The following ZNF66 variants were observed in gnomAD, a reference collection of about 807,000 sequenced individuals.
ZNF66 encodes the protein zinc finger protein 66.
Under a neutral mutation model 35.2 loss-of-function variants are expected in ZNF66, and 32 were observed. That is an observed-to-expected ratio of 0.91 (90% confidence interval 0.69 to 1.22). ZNF66 has a LOEUF of 1.22. Ranked by LOEUF, ZNF66 falls within the 50% of genes most tolerant of loss-of-function variation. ZNF66 has a pLI of 0.00. For missense variants in ZNF66, 666 were observed against 543.1 expected, an observed-to-expected ratio of 1.23 and a Z score of -2.25; for synonymous variants, 231 against 181.3, an observed-to-expected ratio of 1.27 and a Z score of -2.20.
intron 1 of ZNF66, among the ~76,000 whole-genome samples, chr19:20,781,337 T>C (rs1971243325): frequency 6.6e-6 from 1 of 152,318 alleles, no homozygotes. Context: ...ACTTACGTAC[T>C]AAGCATAGCA....
rs1305181187 is a variant in ZNF66, at chr19:20,809,368, C to T, written c.*2046C>T. 1.3e-5 allele frequency among the ~76,000 whole-genome samples: 2 copies of T among 151,840 alleles called. No individual in the cohort carries two copies. The highest frequency in any genetic ancestry group is 4.8e-5 in the African/African-American group (2 of 41,326). On this transcript the variant is annotated 3_prime_UTR_variant, in exon 4 of 4. Coordinates refer to ENST00000344519, the MANE Select transcript of ZNF66 (RefSeq NM_001355197.2). ...CTCCTTGAGAAGAGCAACTCCAAGA[C>T]ACATAATTGTCAGATTCACCAAAGT...
rs549977441 is a variant in ZNF66, at chr19:20,808,365, C to G, written c.*1043C>G. Among the ~76,000 whole-genome samples the G allele has an allele frequency of 6.6e-6, 1 of 152,234 alleles. No individual in the cohort carries two copies. Among genetic ancestry groups the G allele is most frequent in the Admixed American group, 6.5e-5 (1 of 15,274 alleles). ...GAAGAGAGTAGTGGTTCTCCCAGCA[C>G]GCAGCTGGAGATCTGAGAACGGGCA... On this transcript the variant is annotated 3_prime_UTR_variant, in exon 4 of 4. Coordinates refer to ENST00000344519, the MANE Select transcript of ZNF66 (RefSeq NM_001355197.2).
intron 1 of ZNF66, among the ~76,000 whole-genome samples, chr19:20,789,015 C>CTT (rs1240359460): frequency 6.6e-6 from 1 of 151,708 alleles, no homozygotes; most frequent in Admixed American, 6.6e-5. Context: ...GGCACCACTG[C>CTT]ACTCCAGCCT....
chr19:20,809,128 T>A lies in ZNF66; in HGVS notation c.*1806T>A, dbSNP rs558938764. ...ATGAAATGAAGTGAGAAGGGAAGTT[T>A]AGAGAAAAAAAATTAAAAAGAAACA... On this transcript the variant is annotated 3_prime_UTR_variant, in exon 4 of 4. Coordinates refer to ENST00000344519, the MANE Select transcript of ZNF66 (RefSeq NM_001355197.2). Among the ~76,000 whole-genome samples, 5 of 150,792 alleles carry A rather than the reference T, an allele frequency of 3.3e-5. No homozygotes were observed. Among genetic ancestry groups the A allele is most frequent in the Non-Finnish European group, 7.4e-5 (5 of 67,606 alleles).
chr19:20,776,523 C>G, intron 1 of ZNF66, 73 bp downstream of exon 1: 1 of 1,464,768 alleles, frequency 6.8e-7, no homozygotes, highest in African/African-American at 1.4e-5. Context: ...CCTCAGTCAG[C>G]TCCACAATCT....
intron 1 of ZNF66, among the ~76,000 whole-genome samples, chr19:20,783,783 C>A (rs975032505): frequency 1.2e-4 from 19 of 152,204 alleles, no homozygotes; most frequent in African/African-American, 4.3e-4. Context: ...ACCTTGTTTT[C>A]TATTTATTAC....
chr19:20,809,398 A>G lies in ZNF66; in HGVS notation c.*2076A>G, dbSNP rs1016438136. Reference sequence around the variant, plus strand: ...AATTGTCAGATTCACCAAAGTTGAAATGAAGGAAAAAATGTTAAGGGCAGC... The same window carrying G: ...AATTGTCAGATTCACCAAAGTTGAAGTGAAGGAAAAAATGTTAAGGGCAGC... On this transcript the variant is annotated 3_prime_UTR_variant, in exon 4 of 4. Transcript: ENST00000344519. Among the ~76,000 whole-genome samples, 1 of 152,144 alleles carries G rather than the reference A, an allele frequency of 6.6e-6. No individual in the cohort carries two copies. Among genetic ancestry groups the G allele is most frequent in the African/African-American group, 2.4e-5 (1 of 41,434 alleles).
chr19:20,800,400 G>A (rs538245756), intron 3 of ZNF66, among the ~76,000 whole-genome samples: 26 of 152,280 alleles, frequency 1.7e-4, no homozygotes, highest in African/African-American at 4.6e-4. Context: ...TGATGGGAGA[G>A]TATTTTATGT....
intron 1 of ZNF66, among the ~76,000 whole-genome samples, chr19:20,780,209 C>T (rs968286186): frequency 6.6e-6 from 1 of 152,092 alleles, no homozygotes; most frequent in Non-Finnish European, 1.5e-5. Context: ...AAAGAGAGCA[C>T]TATCTTAGTC....
intron 1 of ZNF66, among the ~76,000 whole-genome samples, chr19:20,784,243 AT>A (rs1303833117): frequency 2.0e-5 from 3 of 152,338 alleles, no homozygotes; most frequent in Middle Eastern, 3.4e-3. Flanking sequence ...CTTTTGAAAT[AT>A]AAAGTGTTTT....
Position 20,807,276 on chromosome 19 carries a change from A to ATG in ZNF66, c.1677_1678insGT (p.Met560ValfsTer84), listed in dbSNP as rs2144923077. 1 of 678,276 alleles carries ATG rather than the reference A, an allele frequency of 1.5e-6. No homozygotes were observed. Among genetic ancestry groups the ATG allele is most frequent in the East Asian group, 2.5e-5 (1 of 39,452 alleles). 42.0% of individuals were successfully genotyped at this position (678,276 alleles called of 1,614,324 possible). ...AACCTTAGTAGACATGAGATAATTC[A>ATG]TATGGGAGGGAATCCCTACAAATGT... On this transcript the variant is annotated frameshift_variant, in exon 4 of 4. Transcript: ENST00000344519. LOFTEE classifies it high-confidence loss of function.
Position 20,806,211 on chromosome 19 carries a change from T to C in ZNF66, c.611T>C (p.Ile204Thr), listed in dbSNP as rs748752401. ...ACTGGAGAGAAACCCTATAAATGTATAGAATGTGGCAAAGCCTTCAACCGG... is the reference window on the plus strand; with the variant it reads ...ACTGGAGAGAAACCCTATAAATGTACAGAATGTGGCAAAGCCTTCAACCGG... ...IHTGEKPYKC[I>T]ECGKAFNRSS... The change falls in exon 4 of 4, where the codon ATA becomes ACA. Residue 204 changes from isoleucine to threonine, a missense_variant. Transcript: ENST00000344519. 3 of 1,370,622 alleles carry C rather than the reference T, an allele frequency of 2.2e-6. No individual in the cohort carries two copies. Among genetic ancestry groups the C allele is most frequent in the Admixed American group, 3.4e-5 (2 of 59,364 alleles). The allele number at this position is 1,370,622 out of a possible 1,614,324, so 84.9% of individuals were successfully genotyped here.
chr19:20,806,524 T>A lies in ZNF66; in HGVS notation c.924T>A (p.Thr308=), dbSNP rs775349503. The A allele has an allele frequency of 3.9e-6, 6 of 1,533,314 alleles. No individual in the cohort carries two copies. In the African/African-American group the frequency reaches 8.2e-5, roughly 21 times the overall value. 95.0% of individuals were successfully genotyped at this position (1,533,314 alleles called of 1,614,324 possible). ...TTTCTACACATAAGATAATTCATACTGGAGAGAAACCCTACAAATGTGAAG... is the reference window on the plus strand; with the variant it reads ...TTTCTACACATAAGATAATTCATACAGGAGAGAAACCCTACAAATGTGAAG... ...SSLSTHKIIH[T]GEKPYKCEEC... is the part of the protein sequence containing the mutation. Residue 308 remains threonine, a synonymous_variant, in exon 4 of 4, where the codon ACT becomes ACA. Coordinates refer to ENST00000344519, the MANE Select transcript of ZNF66 (RefSeq NM_001355197.2).
At chr19:20,805,007 T>G (rs11085386) in intron 3 of ZNF66, among the ~76,000 whole-genome samples, 57,512 of 151,862 alleles carry the variant, frequency 0.38, 11,518 homozygotes, top group East Asian at 0.46. Context: ...TGGGAGACAT[T>G]TACCAGTGTC....
chr19:20,809,689 A>G lies in ZNF66; in HGVS notation c.*2367A>G, dbSNP rs1369241153. On this transcript the variant is annotated 3_prime_UTR_variant, in exon 4 of 4. Transcript: ENST00000344519. ...AGAGCTCCTGAAGGAAGCACTAAACATGGAAAGGAACAACTGATACCAGCC... is the reference window on the plus strand; with the variant it reads ...AGAGCTCCTGAAGGAAGCACTAAACGTGGAAAGGAACAACTGATACCAGCC... 6.6e-6 allele frequency among the ~76,000 whole-genome samples: 1 copy of G among 152,132 alleles called. No individual in the cohort carries two copies. The highest frequency in any genetic ancestry group is 2.4e-5 in the African/African-American group (1 of 41,416).
intron 3 of ZNF66, among the ~76,000 whole-genome samples, chr19:20,805,618 T>C (rs1971494562): frequency 1.3e-5 from 2 of 152,158 alleles, no homozygotes; most frequent in African/African-American, 4.8e-5. Context: ...GGGCCCTTCA[T>C]ACACTTAACT....
At chr19:20,785,749 C>CT in intron 1 of ZNF66, among the ~76,000 whole-genome samples, 1 of 148,338 alleles carries the variant, frequency 6.7e-6, no homozygotes, top group African/African-American at 2.5e-5. Flanking sequence ...TCTTCTTTTT[C>CT]TGTTTTTGTT....
intron 1 of ZNF66, among the ~76,000 whole-genome samples, chr19:20,786,907 A>G (rs1200396519): frequency 2.0e-5 from 3 of 152,114 alleles, no homozygotes; most frequent in African/African-American, 7.2e-5. Flanking sequence ...GATTACAGAC[A>G]TATGCCACTA....
rs1472519245 is a variant in ZNF66, at chr19:20,781,646, T to G, written c.3+5196T>G. 2.0e-5 allele frequency among the ~76,000 whole-genome samples: 3 copies of G among 151,972 alleles called. No individual in the cohort carries two copies. The East Asian group carries it at 5.9e-4, about 30-fold the overall frequency. ...GCCTCAGCCTCATGAGTAGCTGGGA[T>G]TACAGGTGCATTCCACCATGCCCAG... On this transcript the variant is annotated intron_variant, in intron 1 of 3. Transcript: ENST00000344519.
Sources: gnomAD v4.1 joint callset for allele counts (sites outside exome capture counted in the v4.1 genomes callset) on GRCh38, gnomAD v4.1.1 for gene constraint, MANE v1.5 for transcripts, NCBI Gene and HGNC (gene_info 2026-07-23, HGNC 2026-07-21) for gene names.